The following PDE8A variants were observed in gnomAD, a reference collection of about 807,000 sequenced individuals.
The protein encoded by PDE8A is phosphodiesterase 8A, also known as high affinity cAMP-specific and IBMX-insensitive 3',5'-cyclic phosphodiesterase 8A.
PDE8A carries 59 observed loss-of-function variants against 105.0 expected under a neutral mutation model. The ratio of observed to expected loss-of-function variants is 0.56; its 90% CI spans 0.46 to 0.70. The LOEUF is 0.70. Among genes scored for constraint, PDE8A ranks in the 30% least tolerant of loss-of-function variants. PDE8A has a pLI of 0.00. For missense variants in PDE8A, 1,014 were observed against 1,045.9 expected (o/e 0.97, Z 0.42); for synonymous variants, 355 against 371.9 (o/e 0.95, Z 0.52).
chr15:85,105,210 G>C (rs11073939), intron 11 of PDE8A, among the ~76,000 whole-genome samples: 74,628 of 151,554 alleles, frequency 0.49, 18,814 homozygotes, highest in African/African-American at 0.62. Context: ...CCTCATAGAT[G>C]ATTGAAAAGA....
rs552946142 is a variant in PDE8A at position 85,026,538 on chromosome 15, C to G, written c.187-37832C>G. Among the ~76,000 whole-genome samples the G allele has an allele frequency of 9.9e-5, 15 of 152,234 alleles. No individual in the cohort carries two copies. In the South Asian group the frequency reaches 3.1e-3, roughly 32 times the overall value. On this transcript the variant is annotated intron_variant, in intron 1 of 21. Coordinates refer to ENST00000394553, the MANE Select transcript of PDE8A (RefSeq NM_002605.3). ...GAAGTTACATGGCATCACTTCTGTT[C>G]CGGATTTGTGGATGCTATCTCAAGC... is the stretch of plus-strand genomic sequence containing the variant.
intron 16 of PDE8A, 121 bp from the exon 17 acceptor site, chr15:85,117,520 A>G: frequency 7.4e-6 from 6 of 807,664 alleles, no homozygotes; most frequent in Admixed American, 1.9e-5. Flanking sequence ...GCACAGCCCA[A>G]GCAATCTCCA....
intron 20 of PDE8A, among the ~76,000 whole-genome samples, chr15:85,132,737 G>A (rs2141652734): frequency 6.6e-6 from 1 of 152,316 alleles, no homozygotes; most frequent in Middle Eastern, 3.4e-3. Flanking sequence ...GATTACAGGT[G>A]TGAACCACCG....
intron 6 of PDE8A, among the ~76,000 whole-genome samples, chr15:85,085,523 C>T (rs373917420): frequency 1.3e-5 from 2 of 151,818 alleles, no homozygotes; most frequent in Non-Finnish European, 2.9e-5. Context: ...CATGGCGAAA[C>T]CCTGTCTCTA....
chr15:85,103,286 G>C (rs1301845607), intron 11 of PDE8A, among the ~76,000 whole-genome samples: 1 of 152,220 alleles, frequency 6.6e-6, no homozygotes, highest in East Asian at 1.9e-4. Flanking sequence ...CTGGGACTGA[G>C]AGGCAGAGTC....
At chr15:85,003,446 G>A (rs372609225) in intron 1 of PDE8A, among the ~76,000 whole-genome samples, 6 of 152,144 alleles carry the variant, frequency 3.9e-5, no homozygotes, top group Admixed American at 3.3e-4. Context: ...CGACCTCTGC[G>A]ATGGGCAACA....
intron 3 of PDE8A, among the ~76,000 whole-genome samples, chr15:85,069,049 A>G (rs1476645120): frequency 6.6e-6 from 1 of 152,198 alleles, no homozygotes; most frequent in Non-Finnish European, 1.5e-5. Context: ...AAAGTTATAA[A>G]ATGAAGTTCT....
In PDE8A at chr15:85,133,993, C is replaced by T. The variant is rs555220542; in HGVS notation, c.2254-2541C>T. 9.6e-4 allele frequency among the ~76,000 whole-genome samples: 146 copies of T among 152,262 alleles called. 1 individual carries two copies. Among genetic ancestry groups the T allele is most frequent in the African/African-American group, 3.3e-3 (138 of 41,550 alleles). On this transcript the variant is annotated intron_variant, in intron 20 of 21. Coordinates refer to ENST00000394553, the MANE Select transcript of PDE8A (RefSeq NM_002605.3). ...GAAATGTGAAACTTGTAGACCCTGC[C>T]TTGCAGGTGGGGTCACAGAAAGGAA...
chr15:85,050,218 C>G (rs1211873090), intron 1 of PDE8A, among the ~76,000 whole-genome samples: 1 of 152,122 alleles, frequency 6.6e-6, no homozygotes, highest in Non-Finnish European at 1.5e-5. Context: ...ATATTACTCT[C>G]TTATCAGATA....
chr15:85,005,268 C>T (rs1018997792), intron 1 of PDE8A, among the ~76,000 whole-genome samples: 7 of 152,112 alleles, frequency 4.6e-5, no homozygotes, highest in Non-Finnish European at 8.8e-5. Context: ...CCATGCACCA[C>T]CACATCTGGC....
At chr15:85,035,440 C>A (rs191043270) in intron 1 of PDE8A, among the ~76,000 whole-genome samples, 200 of 151,996 alleles carry the variant, frequency 1.3e-3, no homozygotes, top group African/African-American at 4.7e-3. Context: ...AAGCTCCTGA[C>A]CTCAGGTGAT....
At chr15:85,063,387 T>A (rs1478665311) in intron 1 of PDE8A, 1 of 152,144 alleles carries the variant, frequency 6.6e-6, no homozygotes, top group Non-Finnish European at 1.5e-5. Flanking sequence ...TGGGATCTCA[T>A]CAACACCTAC....
intron 1 of PDE8A, 45 bp downstream of exon 1, chr15:84,982,393 C>T: frequency 8.0e-7 from 1 of 1,249,978 alleles, no homozygotes; most frequent in Non-Finnish European, 1.0e-6. Context: ...AACTCGGGCC[C>T]GGCCAGTAAG....
intron 1 of PDE8A, among the ~76,000 whole-genome samples, chr15:84,983,062 C>A (rs2079745590): frequency 6.6e-6 from 1 of 152,030 alleles, no homozygotes; most frequent in South Asian, 2.1e-4. Context: ...TTTTACATTG[C>A]GTGTCTTCTC....
chr15:84,999,551 T>TTTG (rs3077007), intron 1 of PDE8A, among the ~76,000 whole-genome samples: 81,844 of 150,818 alleles, frequency 0.54, 22,154 homozygotes, highest in South Asian at 0.6. Context: ...GCCTCCCTTT[T>TTTG]TTGTTGTTGT....
intron 17 of PDE8A, among the ~76,000 whole-genome samples, chr15:85,118,954 GTTTTTGT>G (rs1262600336): frequency 6.6e-6 from 1 of 152,132 alleles, no homozygotes; most frequent in Non-Finnish European, 1.5e-5. Flanking sequence ...TCTTATTTCT[GTTTTTGT>G]TTTTTGTTTT....
chr15:85,072,077 A>G (rs1366254224), intron 3 of PDE8A, among the ~76,000 whole-genome samples: 5 of 152,244 alleles, frequency 3.3e-5, no homozygotes, highest in Non-Finnish European at 7.3e-5. Flanking sequence ...TGTTGAATGC[A>G]GAAGCAAGAT....
intron 5 of PDE8A, among the ~76,000 whole-genome samples, chr15:85,080,101 A>G (rs1457232356): frequency 1.3e-5 from 2 of 152,178 alleles, no homozygotes; most frequent in African/African-American, 4.8e-5. Flanking sequence ...AAGAACACAG[A>G]TATTGATATT....
At position 85,137,671 on chromosome 15, in the gene PDE8A, C is replaced by G. The variant is rs142739039; in HGVS notation, c.2384-126C>G. ...TCGTTGAAGCTGCTGGGTGTGTTTG[C>G]CCGGGTCTGTTTAGCCTCACGCAGA... On this transcript the variant is annotated intron_variant, in intron 21 of 21. Coordinates refer to ENST00000394553, the MANE Select transcript of PDE8A (RefSeq NM_002605.3). 1,054 of 628,830 alleles carry G rather than the reference C, an allele frequency of 1.7e-3. 15 individuals carry two copies. In the African/African-American group the frequency reaches 0.017, roughly 10 times the overall value. 39.0% of individuals were successfully genotyped at this position (628,830 alleles called of 1,614,324 possible).
Sources: gnomAD v4.1 joint callset for allele counts (sites outside exome capture counted in the v4.1 genomes callset) on GRCh38, gnomAD v4.1.1 for gene constraint, MANE v1.5 for transcripts, NCBI Gene and HGNC (gene_info 2026-07-23, HGNC 2026-07-21) for gene names.